The following SMCHD1 variants were observed in gnomAD, a reference collection of about 807,000 sequenced individuals.
SMCHD1 encodes structural maintenance of chromosomes flexible hinge domain-containing protein 1.
Under a neutral mutation model 254.7 loss-of-function variants are expected in SMCHD1, and 78 were observed. The observed-to-expected ratio is 0.31, with a 90% confidence interval of 0.26 to 0.37. The LOEUF is 0.37. SMCHD1 is among the 10% of genes least tolerant of loss of function. The pLI is 1.00. For synonymous variants in SMCHD1, 766 were observed against 794.9 expected (o/e 0.96, Z 0.61); for missense variants, 1,840 against 2,408.1 (o/e 0.76, Z 4.94).
chr18:2,656,038 G>C lies in SMCHD1; in HGVS notation c.-38G>C, dbSNP rs1253078886. ...CGCGCACCTCAGCCCTGAGCCCGGCGGCGGCAGGCGTCGCTGTCTTTTCTC... is the reference window on the plus strand; with the variant it reads ...CGCGCACCTCAGCCCTGAGCCCGGCCGCGGCAGGCGTCGCTGTCTTTTCTC... On this transcript the variant is annotated 5_prime_UTR_variant, in exon 1 of 48. Coordinates refer to ENST00000320876, the MANE Select transcript of SMCHD1 (RefSeq NM_015295.3). 2 of 1,309,386 alleles carry C rather than the reference G, an allele frequency of 1.5e-6. No individual in the cohort carries two copies. Among genetic ancestry groups the C allele is most frequent in the Non-Finnish European group, 1.9e-6 (2 of 1,026,766 alleles). 81.1% of individuals were successfully genotyped at this position (1,309,386 alleles called of 1,614,324 possible). A position where few individuals can be genotyped will look rare whatever the true frequency, so the allele number is the denominator to read the frequency against.
intron 45 of SMCHD1, among the ~76,000 whole-genome samples, chr18:2,794,025 C>T (rs945301130): frequency 1.3e-5 from 2 of 152,050 alleles, no homozygotes; most frequent in African/African-American, 4.8e-5. Context: ...TTTATATGTC[C>T]ATTTCCATGG....
chr18:2,673,883 A>G, intron 4 of SMCHD1, 132 bp from the exon 5 acceptor site: 1 of 858,070 alleles, frequency 1.2e-6, no homozygotes, highest in Non-Finnish European at 1.8e-6. Context: ...CTTTCAGAAA[A>G]TTGTATTAAT....
chr18:2,702,721 TA>T (rs1221767161), intron 12 of SMCHD1, among the ~76,000 whole-genome samples: 1 of 152,196 alleles, frequency 6.6e-6, no homozygotes, highest in Admixed American at 6.5e-5. Flanking sequence ...CATATAACTT[TA>T]AAAAAATCAA....
At chr18:2,744,054 AAAT>A (rs2075401611) in intron 29 of SMCHD1, 126 bp downstream of exon 29, 1 of 760,520 alleles carries the variant, frequency 1.3e-6, no homozygotes, top group African/African-American at 1.7e-5. Flanking sequence ...TTAACAGTAA[AAAT>A]AACAAAAAAG....
At chr18:2,747,448 C>A (rs1486779474) in intron 29 of SMCHD1, 74 bp from the exon 30 acceptor site, 2 of 1,288,578 alleles carry the variant, frequency 1.6e-6, no homozygotes, top group Admixed American at 2.5e-5. Context: ...GTGATCGTTA[C>A]ACAAATATAC....
intron 17 of SMCHD1, among the ~76,000 whole-genome samples, chr18:2,715,244 T>C (rs73939123): frequency 0.03 from 4,517 of 152,224 alleles, 230 homozygotes; most frequent in African/African-American, 0.1. Context: ...TGGGATTTGT[T>C]GGTTTGGCTG....
At chr18:2,725,104 G>A (rs539841058) in intron 21 of SMCHD1, 109 bp downstream of exon 21, 5 of 589,966 alleles carry the variant, frequency 8.5e-6, no homozygotes, top group African/African-American at 5.6e-5. Flanking sequence ...AAAAACAGAT[G>A]ACAGTAATTG....
In SMCHD1 at chr18:2,702,590, G is replaced by C. The variant is rs140172683; in HGVS notation, c.1648-1102G>C. 4.4e-3 allele frequency among the ~76,000 whole-genome samples: 663 copies of C among 152,244 alleles called. 5 individuals are homozygous for C. Among genetic ancestry groups the C allele is most frequent in the African/African-American group, 0.016 (647 of 41,546 alleles). On this transcript the variant is annotated intron_variant, in intron 12 of 47. Coordinates refer to ENST00000320876, the MANE Select transcript of SMCHD1 (RefSeq NM_015295.3). ...GCTGGCAAACTGACAACAATGATTT[G>C]CTGATTTGGGAAAGAGTTGGTACCT...
intron 17 of SMCHD1, among the ~76,000 whole-genome samples, chr18:2,710,970 T>A (rs1387759324): frequency 6.6e-6 from 1 of 152,024 alleles, no homozygotes; most frequent in African/African-American, 2.4e-5. Context: ...TGATTGGTTG[T>A]TTTTTGTTTT....
intron 22 of SMCHD1, chr18:2,727,132 C>T (rs1460874600): frequency 6.6e-6 from 1 of 152,282 alleles, no homozygotes; most frequent in Non-Finnish European, 1.5e-5. Flanking sequence ...GTAGTCCTTG[C>T]CTTGCACAGT....
At chr18:2,711,959 C>G (rs1325274642) in intron 17 of SMCHD1, among the ~76,000 whole-genome samples, 1 of 152,166 alleles carries the variant, frequency 6.6e-6, no homozygotes, top group Non-Finnish European at 1.5e-5. Context: ...GCCATATGAT[C>G]TCTGCATACA....
Position 2,700,666 on chromosome 18 carries a change from T to G in SMCHD1, c.1463+7T>G. Reference sequence around the variant, plus strand: ...CATATACATCAGTTGAAGAGTAAGTTTGATTTTTGCTGAAATTATGTTTTT... The same window carrying G: ...CATATACATCAGTTGAAGAGTAAGTGTGATTTTTGCTGAAATTATGTTTTT... On this transcript the variant is annotated splice_region_variant and intron_variant, in intron 11 of 47. Coordinates refer to ENST00000320876, the MANE Select transcript of SMCHD1 (RefSeq NM_015295.3). 6.2e-7 allele frequency: 1 copy of G among 1,603,368 alleles called. No individual in the cohort carries two copies. Among genetic ancestry groups the G allele is most frequent in the South Asian group, 1.1e-5 (1 of 89,186 alleles).
In SMCHD1 at chr18:2,707,648, ATGTT is replaced by A. The variant is rs1250113263; in HGVS notation, c.2146+9_2146+12del. 5.1e-6 allele frequency: 8 copies of A among 1,580,932 alleles called. No homozygotes were observed. Among genetic ancestry groups the A allele is most frequent in the Non-Finnish European group, 6.9e-6 (8 of 1,159,314 alleles). On this transcript the variant is annotated splice_donor_5th_base_variant and intron_variant, in intron 16 of 47. Coordinates refer to ENST00000320876, the MANE Select transcript of SMCHD1 (RefSeq NM_015295.3). The stretch of plus-strand genomic sequence containing the variant: ...TAGGCCTGCTGGAACCCCTATTGGT[ATGTT>A]TGTTTATTTTTCTAATACCAAAAAG...
chr18:2,774,336 G>A (rs1290819769), intron 41 of SMCHD1, among the ~76,000 whole-genome samples: 2 of 151,920 alleles, frequency 1.3e-5, no homozygotes, highest in Non-Finnish European at 2.9e-5. Context: ...TAGTTTTTTT[G>A]CATGTTCATT....
At chr18:2,664,180 C>T (rs1199988865) in intron 1 of SMCHD1, among the ~76,000 whole-genome samples, 1 of 152,102 alleles carries the variant, frequency 6.6e-6, no homozygotes, top group African/African-American at 2.4e-5. Flanking sequence ...TATTCTAGGT[C>T]TTAGGTCATT....
intron 45 of SMCHD1, among the ~76,000 whole-genome samples, chr18:2,789,569 T>C (rs1263793484): frequency 6.6e-6 from 1 of 152,194 alleles, no homozygotes; most frequent in Admixed American, 6.5e-5. Flanking sequence ...TTAGGATGTT[T>C]CAGCTTACAT....
In SMCHD1 at chr18:2,770,024, A is replaced by G; in HGVS notation, c.4882A>G (p.Lys1628Glu). ...KKQQQMAALT[K>E]EKDQLSQSIV... Reference sequence around the variant, plus strand: ...GCAGCAACAAATGGCAGCACTTACAAAAGAAAAGGACCAATTATCTCAGTC... The same window carrying G: ...GCAGCAACAAATGGCAGCACTTACAGAAGAAAAGGACCAATTATCTCAGTC... The change falls in exon 39 of 48, where the codon AAA (lysine) becomes GAA (glutamate). Residue 1628 changes from lysine to glutamate, a missense_variant. Physicochemically the swap from Lys to Glu is moderately conservative, Grantham distance 56. This residue lies in a region of SMCHD1 where 881 missense variants were observed against 1,009.5 expected (regional missense o/e 0.87). Transcript: ENST00000320876. 1 of 1,599,610 alleles carries G rather than the reference A, an allele frequency of 6.3e-7. No individual in the cohort carries two copies. The highest frequency in any genetic ancestry group is 8.5e-7 in the Non-Finnish European group (1 of 1,176,138).
intron 37 of SMCHD1, among the ~76,000 whole-genome samples, chr18:2,769,210 A>G (rs973306175): frequency 3.3e-5 from 5 of 152,144 alleles, no homozygotes; most frequent in Admixed American, 3.3e-4. Flanking sequence ...GAGCTTTTCA[A>G]AATCTCTTGT....
At chr18:2,695,576 C>T (rs577633404) in intron 8 of SMCHD1, among the ~76,000 whole-genome samples, 181 of 152,232 alleles carry the variant, frequency 1.2e-3, no homozygotes, top group Non-Finnish European at 1.9e-3. Context: ...TCCCAAAGTA[C>T]TGGGATTACA....
Sources: allele counts gnomAD v4.1 joint callset (sites outside exome capture counted in the v4.1 genomes callset), GRCh38; gene constraint gnomAD v4.1.1; regional missense constraint gnomAD v4.1.1; transcripts MANE v1.5; gene names NCBI Gene and HGNC (gene_info 2026-07-23, HGNC 2026-07-21).